PDE4D: variants seen among roughly 807,000 people sequenced by gnomAD.
PDE4D encodes 3',5'-cyclic-AMP phosphodiesterase 4D.
A neutral mutation model predicts 87.4 loss-of-function variants in PDE4D; 24 were observed. The ratio of observed to expected loss-of-function variants is 0.27; its 90% CI spans 0.20 to 0.39. The LOEUF is 0.39. Among genes scored for constraint, PDE4D ranks in the 10% least tolerant of loss-of-function variants. The pLI, the probability that PDE4D is intolerant of heterozygous loss-of-function variation, is 1.00. For missense variants in PDE4D, 714 were observed against 1,041.0 expected (o/e 0.69, Z 4.32); for synonymous variants, 384 against 383.2 (o/e 1.00, Z -0.02).
intron 1 of PDE4D, among the ~76,000 whole-genome samples, chr5:59,228,326 G>C (rs534436173): frequency 4.7e-4 from 71 of 151,702 alleles, no homozygotes; most frequent in Admixed American, 4.6e-4. Flanking sequence ...TTAGCACCTG[G>C]GTGACAAAAT....
At chr5:59,856,725 A>C (rs7737211) in intron 1 of PDE4D, among the ~76,000 whole-genome samples, 1 of 152,114 alleles carries the variant, frequency 6.6e-6, no homozygotes, top group Non-Finnish European at 1.5e-5. Context: ...AGAAGCAGAC[A>C]TCTCTCTAGA....
chr5:60,370,618 A>G (rs1400876277), intron 1 of PDE4D, among the ~76,000 whole-genome samples: 1 of 152,204 alleles, frequency 6.6e-6, no homozygotes, highest in Non-Finnish European at 1.5e-5. Flanking sequence ...CGCTATTTGA[A>G]AGCAATTTTG....
At chr5:59,678,147 A>T (rs1370153662) in intron 1 of PDE4D, among the ~76,000 whole-genome samples, 3 of 152,158 alleles carry the variant, frequency 2.0e-5, no homozygotes, top group African/African-American at 7.2e-5. Flanking sequence ...AGTAAAAAAA[A>T]ATGTCTTGGC....
rs183747272 is a variant in PDE4D at position 59,028,976 on chromosome 5, A to C, written c.921+9883T>G. On this transcript the variant is annotated intron_variant, in intron 6 of 14. Coordinates refer to ENST00000340635, the MANE Select transcript of PDE4D (RefSeq NM_001104631.2). ...ACTTGAACATCAAACCTATGATTTC[A>C]TGTATACCATTACTTAAGATGAGGC... Among the ~76,000 whole-genome samples, 8 of 152,336 alleles carry C rather than the reference A, an allele frequency of 5.3e-5. No individual in the cohort carries two copies. In the East Asian group the frequency reaches 1.5e-3, roughly 29 times the overall value.
chr5:59,484,120 T>A (rs1221147505), intron 1 of PDE4D, among the ~76,000 whole-genome samples: 2 of 152,136 alleles, frequency 1.3e-5, no homozygotes, highest in African/African-American at 2.4e-5. Context: ...CCCAATATCA[T>A]CAACTACTGA....
chr5:59,555,896 G>A (rs374529800), intron 1 of PDE4D, among the ~76,000 whole-genome samples: 117 of 152,170 alleles, frequency 7.7e-4, no homozygotes, highest in South Asian at 2.7e-3. Flanking sequence ...GTGTTTTTGA[G>A]CCAGAGCTTC....
chr5:59,103,177 G>A (rs555408299), intron 5 of PDE4D, among the ~76,000 whole-genome samples: 31 of 152,302 alleles, frequency 2.0e-4, no homozygotes, highest in African/African-American at 7.5e-4. Context: ...CTGAGTGTCA[G>A]TGACAGCACC....
At chr5:59,542,338 C>T (rs1423879652) in intron 1 of PDE4D, among the ~76,000 whole-genome samples, 1 of 152,150 alleles carries the variant, frequency 6.6e-6, no homozygotes, top group Admixed American at 6.5e-5. Context: ...AGTGATCACA[C>T]TGTACAGAGA....
intron 1 of PDE4D, among the ~76,000 whole-genome samples, chr5:59,783,981 C>A (rs1318710164): frequency 2.0e-5 from 3 of 152,138 alleles, no homozygotes; most frequent in Non-Finnish European, 4.4e-5. Context: ...TGGTTTCAGC[C>A]TGGAAGGTCA....
At position 59,529,075 on chromosome 5, in the gene PDE4D, T is replaced by C. The variant is rs534225141; in HGVS notation, c.456-313107A>G. 139 of 469,324 alleles carry C rather than the reference T, an allele frequency of 3.0e-4. 1 individual carries two copies. The Middle Eastern group carries it at 0.015, about 51-fold the overall frequency. The allele number at this position is 469,324 out of a possible 1,614,324, so 29.1% of individuals were successfully genotyped here. ...ATCTTGCCTTAATTCGTTGGACCTA[T>C]GCAAGATCAGCAAATGTCTATTCTA... On this transcript the variant is annotated intron_variant, in intron 1 of 14. Transcript: ENST00000340635.
chr5:59,291,388 C>T (rs76300456), intron 1 of PDE4D, among the ~76,000 whole-genome samples: 9,480 of 151,686 alleles, frequency 0.062, 310 homozygotes, highest in African/African-American at 0.072. Context: ...TTAAAACAAA[C>T]GAAGGAGATA....
intron 1 of PDE4D, among the ~76,000 whole-genome samples, chr5:59,565,619 G>A (rs928636765): frequency 2.6e-5 from 4 of 152,226 alleles, no homozygotes; most frequent in African/African-American, 9.6e-5. Context: ...TGGGTAGTGG[G>A]GTGAAAAGGC....
chr5:60,459,542 C>A (rs1484502719), intron 1 of PDE4D, among the ~76,000 whole-genome samples: 1 of 152,018 alleles, frequency 6.6e-6, no homozygotes, highest in African/African-American at 2.4e-5. Flanking sequence ...TACACAGGGG[C>A]CTAGCACCCT....
At chr5:59,212,580 A>C (rs1055318762) in intron 2 of PDE4D, among the ~76,000 whole-genome samples, 21 of 152,154 alleles carry the variant, frequency 1.4e-4, no homozygotes, top group Admixed American at 3.3e-4. Flanking sequence ...TTCATATTTA[A>C]ATATGAAATG....
At chr5:59,189,882 G>A (rs531943494) in intron 3 of PDE4D, among the ~76,000 whole-genome samples, 84 of 152,318 alleles carry the variant, frequency 5.5e-4, no homozygotes, top group Non-Finnish European at 1.0e-3. Flanking sequence ...AAGAGTTTAG[G>A]TTAAACACCA....
intron 1 of PDE4D, among the ~76,000 whole-genome samples, chr5:59,707,248 GGATT>G (rs137950486): frequency 0.014 from 2,084 of 152,138 alleles, 50 homozygotes; most frequent in African/African-American, 0.048. Flanking sequence ...GAAAAACAGT[GGATT>G]GATTTTTATA....
intron 1 of PDE4D, among the ~76,000 whole-genome samples, chr5:60,497,813 T>C (rs1749887933): frequency 6.6e-6 from 1 of 152,198 alleles, no homozygotes; most frequent in Admixed American, 6.5e-5. Flanking sequence ...CTACCTGTTT[T>C]CTCATTGTCT....
chr5:59,423,764 A>C (rs1276686853), intron 1 of PDE4D, among the ~76,000 whole-genome samples: 1 of 152,096 alleles, frequency 6.6e-6, no homozygotes, highest in Non-Finnish European at 1.5e-5. Flanking sequence ...GGCAATTTAC[A>C]AGGATGCAGA....
chr5:59,441,604 C>T (rs1797624149), intron 1 of PDE4D, among the ~76,000 whole-genome samples: 1 of 152,184 alleles, frequency 6.6e-6, no homozygotes, highest in African/African-American at 2.4e-5. Flanking sequence ...GAATCCCACA[C>T]CCCAGGTGTG....
Sources: gnomAD v4.1 joint callset for allele counts (sites outside exome capture counted in the v4.1 genomes callset) on GRCh38, gnomAD v4.1.1 for gene constraint, MANE v1.5 for transcripts, NCBI Gene and HGNC (gene_info 2026-07-23, HGNC 2026-07-21) for gene names.